CPLX4: variants seen among roughly 807,000 people sequenced by gnomAD.
The protein encoded by CPLX4 is complexin-4.
Under a neutral mutation model 16.1 loss-of-function variants are expected in CPLX4, and 17 were observed. The ratio of observed to expected loss-of-function variants is 1.06; its 90% CI spans 0.72 to 1.59. CPLX4 has a LOEUF of 1.59. Ranked by LOEUF, CPLX4 falls within the 40% of genes most tolerant of loss-of-function variation. The pLI, the probability that CPLX4 is intolerant of heterozygous loss-of-function variation, is 0.00. For missense variants in CPLX4, 193 were observed against 192.9 expected, an observed-to-expected ratio of 1.00 and a Z score of 0.00; for synonymous variants, 55 against 57.8, an observed-to-expected ratio of 0.95 and a Z score of 0.22.
intron 2 of CPLX4, among the ~76,000 whole-genome samples, chr18:59,304,116 TAA>T (rs2070559813): frequency 6.6e-6 from 1 of 152,206 alleles, no homozygotes; most frequent in Admixed American, 6.5e-5. Context: ...AAAACTCTGT[TAA>T]GTTTCTCCTA....
chr18:59,304,624 T>C (rs752266323), intron 2 of CPLX4, among the ~76,000 whole-genome samples: 30 of 152,270 alleles, frequency 2.0e-4, no homozygotes, highest in Non-Finnish European at 4.1e-4. Context: ...CAGGCTGGAG[T>C]GCAGTGGCAC....
At chr18:59,317,838 A>G (rs535959508) in intron 1 of CPLX4, among the ~76,000 whole-genome samples, 1 of 146,232 alleles carries the variant, frequency 6.8e-6, no homozygotes, top group Non-Finnish European at 1.5e-5. Context: ...TTTTTTTCTC[A>G]CATGCAAGAT....
Position 59,302,185 on chromosome 18 carries a change from C to G in CPLX4, c.256-5260G>C, listed in dbSNP as rs1293482323. On this transcript the variant is annotated intron_variant, in intron 2 of 2. Coordinates refer to ENST00000299721, the MANE Select transcript of CPLX4 (RefSeq NM_181654.4). ...TAATGAACCACCCTGCTGACAGGAC[C>G]TTGTCTGCAATTCAAACAATGAATG... Among the ~76,000 whole-genome samples the G allele has an allele frequency of 2.0e-5, 3 of 152,238 alleles. No homozygotes were observed. In the East Asian group the frequency reaches 5.8e-4, roughly 29 times the overall value.
intron 2 of CPLX4, among the ~76,000 whole-genome samples, chr18:59,305,359 ACAAAC>A (rs974495425): frequency 4.2e-4 from 8 of 18,970 alleles, no homozygotes; most frequent in Non-Finnish European, 6.9e-4. Flanking sequence ...GTGGCTTTAA[ACAAAC>A]AAACAAACAA....
chr18:59,318,263 C>T, intron 1 of CPLX4, 33 bp downstream of exon 1: 1 of 1,529,624 alleles, frequency 6.5e-7, no homozygotes, highest in Non-Finnish European at 8.8e-7. Flanking sequence ...ATTTCCTTTG[C>T]TTTTTAAGGG....
At chr18:59,313,308 G>A (rs2070630372) in intron 1 of CPLX4, among the ~76,000 whole-genome samples, 1 of 152,132 alleles carries the variant, frequency 6.6e-6, no homozygotes, top group Non-Finnish European at 1.5e-5. Context: ...TCCCTTCATT[G>A]TTACTCTCTC....
chr18:59,296,951 A>G, intron 2 of CPLX4, 26 bp from the exon 3 acceptor site: 1 of 1,591,760 alleles, frequency 6.3e-7, no homozygotes, highest in Non-Finnish European at 8.5e-7. Flanking sequence ...ATAGAGATAG[A>G]TAAATAACTC....
At chr18:59,299,462 A>G (rs773615276) in intron 2 of CPLX4, among the ~76,000 whole-genome samples, 2 of 152,102 alleles carry the variant, frequency 1.3e-5, no homozygotes, top group African/African-American at 2.4e-5. Context: ...ATGGGCAGCT[A>G]GAGGGGCTAG....
At chr18:59,305,236 A>G (rs1003203991) in intron 2 of CPLX4, among the ~76,000 whole-genome samples, 1 of 152,124 alleles carries the variant, frequency 6.6e-6, no homozygotes, top group Non-Finnish European at 1.5e-5. Context: ...GGAACGAAGC[A>G]GGAGGAAGTG....
intron 1 of CPLX4, among the ~76,000 whole-genome samples, chr18:59,316,569 A>G (rs942452160): frequency 2.6e-5 from 4 of 152,152 alleles, no homozygotes; most frequent in South Asian, 4.1e-4. Context: ...CCTCTTTATC[A>G]TAGGGAAGCC....
At chr18:59,308,419 G>A (rs1568106150) in intron 2 of CPLX4, among the ~76,000 whole-genome samples, 1 of 151,934 alleles carries the variant, frequency 6.6e-6, no homozygotes, top group Non-Finnish European at 1.5e-5. Flanking sequence ...TGCCATGGGA[G>A]GATAGAAAAC....
chr18:59,309,435 T>A (rs1430206773), intron 2 of CPLX4, among the ~76,000 whole-genome samples: 1 of 152,180 alleles, frequency 6.6e-6, no homozygotes, highest in Non-Finnish European at 1.5e-5. Flanking sequence ...GGTCAAACCG[T>A]TAGACAACAC....
At chr18:59,308,307 C>A (rs1486642957) in intron 2 of CPLX4, among the ~76,000 whole-genome samples, 3 of 152,130 alleles carry the variant, frequency 2.0e-5, no homozygotes, top group African/African-American at 7.2e-5. Context: ...ATTCCAATTC[C>A]TTCAGCCCGC....
chr18:59,313,842 C>G (rs946218088), intron 1 of CPLX4, among the ~76,000 whole-genome samples: 2 of 150,144 alleles, frequency 1.3e-5, no homozygotes, highest in Admixed American at 6.6e-5. Flanking sequence ...CTCTCAACAG[C>G]CTTCTGCTTT....
Position 59,296,716 on chromosome 18 carries a change from C to T in CPLX4, c.465G>A (p.Gln155=). The T allele has an allele frequency of 6.6e-7, 1 of 1,507,032 alleles. No individual in the cohort carries two copies. Among genetic ancestry groups the T allele is most frequent in the Non-Finnish European group, 9.1e-7 (1 of 1,102,510 alleles). 93.4% of individuals were successfully genotyped at this position (1,507,032 alleles called of 1,614,324 possible). A position where few individuals can be genotyped will look rare whatever the true frequency, so the allele number is the denominator to read the frequency against. Residue 155 remains glutamine (Q), a synonymous_variant, in exon 3 of 3, where the codon CAG becomes CAA. Transcript: ENST00000299721. Reference sequence around the variant, plus strand: ...CCACCCCTCACATCACGGAACACTTCTGCTCCGCTGTCTGCTTGATTTCAG... The same window carrying T: ...CCACCCCTCACATCACGGAACACTTTTGCTCCGCTGTCTGCTTGATTTCAG... ...TFTEIKQTAE[Q]KCSVM
intron 2 of CPLX4, among the ~76,000 whole-genome samples, chr18:59,300,151 G>A (rs2070530593): frequency 6.6e-6 from 1 of 152,142 alleles, no homozygotes; most frequent in Non-Finnish European, 1.5e-5. Flanking sequence ...GGCCAATTTG[G>A]TGAAACCCCG....
rs558162539 is a variant in CPLX4, at chr18:59,310,689, C to T, written c.255+1996G>A. Among the ~76,000 whole-genome samples the T allele has an allele frequency of 2.0e-5, 3 of 152,250 alleles. No homozygotes were observed. The South Asian group carries it at 6.2e-4, about 32-fold the overall frequency. On this transcript the variant is annotated intron_variant, in intron 2 of 2. Coordinates refer to ENST00000299721, the MANE Select transcript of CPLX4 (RefSeq NM_181654.4). Reference sequence around the variant, plus strand: ...GCGTTGTACTAGGTCCTTTATATTACATTATCTCAGACAAAGATCCTATGA... The same window carrying T: ...GCGTTGTACTAGGTCCTTTATATTATATTATCTCAGACAAAGATCCTATGA...
chr18:59,297,283 T>TC (rs2070508595), intron 2 of CPLX4, among the ~76,000 whole-genome samples: 1 of 152,108 alleles, frequency 6.6e-6, no homozygotes, highest in African/African-American at 2.4e-5. Context: ...CTGGAATTTT[T>TC]TTTTTTTTTT....
chr18:59,316,079 G>A (rs2070649237), intron 1 of CPLX4, among the ~76,000 whole-genome samples: 1 of 152,178 alleles, frequency 6.6e-6, no homozygotes, highest in African/African-American at 2.4e-5. Flanking sequence ...ATAAAACAAA[G>A]GTCAGAGTCA....
Sources: allele counts gnomAD v4.1 joint callset (sites outside exome capture counted in the v4.1 genomes callset), GRCh38; gene constraint gnomAD v4.1.1; transcripts MANE v1.5; gene names NCBI Gene and HGNC (gene_info 2026-07-23, HGNC 2026-07-21).